RAB3GAP2: variants seen among roughly 807,000 people sequenced by gnomAD.
RAB3GAP2 encodes RAB3 GTPase activating non-catalytic protein subunit 2.
A neutral mutation model predicts 185.3 loss-of-function variants in RAB3GAP2; 87 were observed. That is an observed-to-expected ratio of 0.47 (90% confidence interval 0.39 to 0.56). The LOEUF (loss-of-function observed/expected upper bound fraction) is 0.56, where lower values mean the gene tolerates loss of function less well. Among genes scored for constraint, RAB3GAP2 ranks in the 20% least tolerant of loss-of-function variants. RAB3GAP2 has a pLI of 0.00. For synonymous variants in RAB3GAP2, 554 were observed against 576.1 expected, an observed-to-expected ratio of 0.96 and a Z score of 0.55; for missense variants, 1,492 against 1,638.2, an observed-to-expected ratio of 0.91 and a Z score of 1.54.
rs1034034374 is a variant in RAB3GAP2 at position 220,210,992 on chromosome 1, T to C, written c.397A>G (p.Thr133Ala). Residue 133 changes from threonine to alanine, a missense_variant, in exon 5 of 35, where the codon ACC becomes GCC. Transcript: ENST00000358951. ...SLNVEEGECV[T>A]SALCIPLASQ... is the part of the protein sequence containing the mutation. ...GCTAGTGGGATACATAGAGCACTGG[T>C]TACACATTCCCTAAAAACAAAAACA... The C allele has an allele frequency of 3.1e-6, 5 of 1,613,628 alleles. No homozygotes were observed. Among genetic ancestry groups the C allele is most frequent in the Non-Finnish European group, 4.2e-6 (5 of 1,179,856 alleles).
At chr1:220,188,194 C>T (rs1354156765) in intron 17 of RAB3GAP2, among the ~76,000 whole-genome samples, 1 of 151,398 alleles carries the variant, frequency 6.6e-6, no homozygotes, top group East Asian at 1.9e-4. Context: ...TTTTTTCTTA[C>T]ATTTTCACAG....
At chr1:220,171,217 A>T in intron 23 of RAB3GAP2, 97 bp from the exon 24 acceptor site, 1 of 1,057,946 alleles carries the variant, frequency 9.5e-7, no homozygotes, top group Admixed American at 1.9e-5. Flanking sequence ...TACTGAGGAT[A>T]CATCACAAAG....
chr1:220,209,074 C>T (rs1307315349), intron 7 of RAB3GAP2, among the ~76,000 whole-genome samples: 2 of 152,138 alleles, frequency 1.3e-5, no homozygotes, highest in African/African-American at 2.4e-5. Context: ...TTAGTCCTGG[C>T]TCCCACCCAG....
chr1:220,150,889 A>G lies in RAB3GAP2; in HGVS notation c.*362T>C, dbSNP rs945590797. ...ATGAACACATTTAAATTGAATTACA[A>G]CAACATTTTAGATAGGAAATATAGA... On this transcript the variant is annotated 3_prime_UTR_variant, in exon 35 of 35. Coordinates refer to ENST00000358951, the MANE Select transcript of RAB3GAP2 (RefSeq NM_012414.4). 9 of 256,768 alleles carry G rather than the reference A, an allele frequency of 3.5e-5. No homozygotes were observed. The highest frequency in any genetic ancestry group is 6.8e-5 in the Non-Finnish European group (9 of 133,256). 15.9% of individuals were successfully genotyped at this position (256,768 alleles called of 1,614,324 possible).
chr1:220,231,204 C>T (rs1403159090), intron 2 of RAB3GAP2, among the ~76,000 whole-genome samples: 1 of 152,188 alleles, frequency 6.6e-6, no homozygotes, highest in Non-Finnish European at 1.5e-5. Context: ...CTCAGTCCTG[C>T]TACATCACAC....
chr1:220,157,901 T>C (rs1437799642), intron 29 of RAB3GAP2, 25 bp from the exon 30 acceptor site: 2 of 1,581,560 alleles, frequency 1.3e-6, no homozygotes, highest in Non-Finnish European at 1.7e-6. Flanking sequence ...GGAACGTAAT[T>C]AGGCCCTGCA....
At position 220,164,733 on chromosome 1, in the gene RAB3GAP2, C is replaced by T; in HGVS notation, c.3154G>A (p.Gly1052Ser). ...ATGTTTCTAACATCTGTTTACTTACCATTTTGAACATGTGCATTAAATATT... is the reference window on the plus strand; with the variant it reads ...ATGTTTCTAACATCTGTTTACTTACTATTTTGAACATGTGCATTAAATATT... ...KQIFNAHVQN[G>S]IALMMWNTFL... The change falls in exon 27 of 35, where the codon GGC becomes AGC. Residue 1052 changes from glycine (G) to serine (S), a missense_variant and splice_region_variant. By Grantham distance (56) the Gly-to-Ser change is moderately conservative (BLOSUM62 0). This residue lies in a region of RAB3GAP2 where 387 missense variants were observed against 455.3 expected (regional missense o/e 0.85). Coordinates refer to ENST00000358951, the MANE Select transcript of RAB3GAP2 (RefSeq NM_012414.4). 1 of 1,603,124 alleles carries T rather than the reference C, an allele frequency of 6.2e-7. No individual in the cohort carries two copies. The highest frequency in any genetic ancestry group is 1.7e-5 in the Admixed American group (1 of 59,330).
chr1:220,218,854 C>T (rs1022272102), intron 2 of RAB3GAP2, among the ~76,000 whole-genome samples: 4 of 152,122 alleles, frequency 2.6e-5, no homozygotes, highest in Non-Finnish European at 5.9e-5. Flanking sequence ...AGCTGTATAC[C>T]TATTCCAACT....
intron 21 of RAB3GAP2, among the ~76,000 whole-genome samples, chr1:220,181,163 C>T (rs903703344): frequency 6.6e-6 from 1 of 152,214 alleles, no homozygotes; most frequent in African/African-American, 2.4e-5. Flanking sequence ...GGGTCTCACT[C>T]TATCACCTAG....
intron 18 of RAB3GAP2, 41 bp downstream of exon 18, chr1:220,185,610 G>A: frequency 6.8e-7 from 1 of 1,461,432 alleles, no homozygotes; most frequent in South Asian, 1.1e-5. Flanking sequence ...TACAAAATTT[G>A]AGTTAAGAAC....
At chr1:220,245,227 G>A (rs553398689) in intron 1 of RAB3GAP2, among the ~76,000 whole-genome samples, 3 of 152,326 alleles carry the variant, frequency 2.0e-5, no homozygotes, top group African/African-American at 7.2e-5. Context: ...CACAGAAGAC[G>A]GGTGATTTCT....
chr1:220,226,443 A>G (rs1659403789), intron 2 of RAB3GAP2, among the ~76,000 whole-genome samples: 1 of 152,054 alleles, frequency 6.6e-6, no homozygotes, highest in African/African-American at 2.4e-5. Context: ...AAAAAAAAAA[A>G]AACCAGCAAA....
chr1:220,239,118 A>C (rs1659644851), intron 1 of RAB3GAP2, among the ~76,000 whole-genome samples: 1 of 152,216 alleles, frequency 6.6e-6, no homozygotes, highest in Non-Finnish European at 1.5e-5. Flanking sequence ...GTTGTTTCTA[A>C]ACCTTTTGCA....
chr1:220,252,677 A>G (rs1659959077), intron 1 of RAB3GAP2, among the ~76,000 whole-genome samples: 1 of 151,786 alleles, frequency 6.6e-6, no homozygotes, highest in African/African-American at 2.4e-5. Context: ...CACTTCTCCC[A>G]TGGATCTTTG....
At position 220,191,172 on chromosome 1, in the gene RAB3GAP2, T is replaced by C; in HGVS notation, c.1383A>G (p.Val461=). The C allele has an allele frequency of 1.2e-6, 2 of 1,614,108 alleles. No individual in the cohort carries two copies. Among genetic ancestry groups the C allele is most frequent in the Middle Eastern group, 1.6e-4 (1 of 6,062 alleles). The change falls in exon 14 of 35, where the codon GTA becomes GTG. Residue 461 remains valine, a synonymous_variant. Transcript: ENST00000358951. ...GCGCATAGATCACAAGGAATTGAGC[T>C]ACTCGACTTGGACCCTGAGAATTTC... is the stretch of plus-strand genomic sequence containing the variant. ...PFGNSQGPSR[V]AQFLVIYAPR...
chr1:220,185,495 T>C (rs919005982), intron 18 of RAB3GAP2, among the ~76,000 whole-genome samples, 156 bp downstream of exon 18: 1 of 152,126 alleles, frequency 6.6e-6, no homozygotes, highest in African/African-American at 2.4e-5. Context: ...ACTACATATA[T>C]TAAATAGGGA....
chr1:220,265,875 TG>T (rs1301455225), intron 1 of RAB3GAP2: 3 of 152,282 alleles, frequency 2.0e-5, no homozygotes, highest in African/African-American at 7.2e-5. Context: ...CAGTGAGCTA[TG>T]ATCATGCCAC....
chr1:220,266,320 T>C, intron 1 of RAB3GAP2: 1 of 306,054 alleles, frequency 3.3e-6, no homozygotes, highest in Non-Finnish European at 6.3e-6. Context: ...CTCAGGTACT[T>C]GGAAGGTTAT....
In RAB3GAP2 at chr1:220,232,959, T is replaced by A. The variant is rs1411936477; in HGVS notation, c.116-96A>T. On this transcript the variant is annotated intron_variant, in intron 1 of 34. Transcript: ENST00000358951. The stretch of plus-strand genomic sequence containing the variant: ...AAACATCATAGAACCAACCCCTGTA[T>A]AATGCTGATATTAAGAAAGAAAATA... 4 of 942,344 alleles carry A rather than the reference T, an allele frequency of 4.2e-6. No homozygotes were observed. In the African/African-American group the frequency reaches 4.9e-5, roughly 12 times the overall value. The allele number at this position is 942,344 out of a possible 1,614,324, so 58.4% of individuals were successfully genotyped here.
Sources: allele counts gnomAD v4.1 joint callset (sites outside exome capture counted in the v4.1 genomes callset), GRCh38; gene constraint gnomAD v4.1.1; regional missense constraint gnomAD v4.1.1; transcripts MANE v1.5; gene names NCBI Gene and HGNC (gene_info 2026-07-23, HGNC 2026-07-21).